The following FAM167A variants were observed in gnomAD, a reference collection of about 807,000 sequenced individuals.
FAM167A encodes protein FAM167A.
A neutral mutation model predicts 14.9 loss-of-function variants in FAM167A; 23 were observed. The ratio of observed to expected loss-of-function variants is 1.55; its 90% CI spans 1.11 to 2.19. The LOEUF (loss-of-function observed/expected upper bound fraction) is 2.19, where lower values mean the gene tolerates loss of function less well. FAM167A is among the 30% of genes most tolerant of loss of function. The probability of loss-of-function intolerance (pLI) is 0.00; values close to 1 mark genes in which losing one functional copy is unlikely to be tolerated. For missense variants in FAM167A, 401 were observed against 281.5 expected (o/e 1.42, Z -3.04); for synonymous variants, 174 against 117.7 (o/e 1.48, Z -3.10).
At chr8:11,425,325 A>T (rs2116978615) in intron 2 of FAM167A, among the ~76,000 whole-genome samples, 1 of 152,252 alleles carries the variant, frequency 6.6e-6, no homozygotes, top group East Asian at 1.9e-4. Flanking sequence ...AGGCACAGCC[A>T]GGGAATTAGC....
intron 1 of FAM167A, among the ~76,000 whole-genome samples, chr8:11,452,794 G>C (rs1026603204): frequency 8.5e-5 from 13 of 152,180 alleles, no homozygotes; most frequent in Non-Finnish European, 2.9e-5. Flanking sequence ...ATGAATGCTG[G>C]GGGAATGTGC....
intron 1 of FAM167A, among the ~76,000 whole-genome samples, chr8:11,461,248 A>C (rs1001549587): frequency 1.3e-5 from 2 of 152,232 alleles, no homozygotes; most frequent in Non-Finnish European, 2.9e-5. Context: ...CCTGGCAGGC[A>C]GGAAGAGGTG....
rs760250604 is a variant in FAM167A, at chr8:11,425,253, G to A, written c.382-617C>T. 6.6e-5 allele frequency among the ~76,000 whole-genome samples: 10 copies of A among 152,126 alleles called. 1 individual carries two copies. The highest frequency in any genetic ancestry group is 8.8e-5 in the Non-Finnish European group (6 of 68,032). On this transcript the variant is annotated intron_variant, in intron 2 of 2. Transcript: ENST00000284486. ...GTCTATTAACATGCAACAGTTAACC[G>A]TCACTACAACCTGTGAAGTGATGTC...
At chr8:11,428,903 T>A (rs1805371381) in intron 2 of FAM167A, among the ~76,000 whole-genome samples, 1 of 152,342 alleles carries the variant, frequency 6.6e-6, no homozygotes, top group South Asian at 2.1e-4. Flanking sequence ...TGAAGAAATC[T>A]GAGCAAAATG....
intron 1 of FAM167A, among the ~76,000 whole-genome samples, chr8:11,463,010 G>A (rs112893634): frequency 4.8e-4 from 73 of 152,340 alleles, no homozygotes; most frequent in African/African-American, 1.5e-3. Context: ...GGTGTGGTCA[G>A]GGCAGCAGAG....
intron 1 of FAM167A, among the ~76,000 whole-genome samples, chr8:11,459,590 T>G (rs79322294): frequency 0.01 from 1,545 of 152,308 alleles, 21 homozygotes; most frequent in African/African-American, 0.035. Context: ...GCTGGGGTCT[T>G]AGTCCTTGGG....
chr8:11,427,031 C>A (rs569236713), intron 2 of FAM167A, among the ~76,000 whole-genome samples: 1 of 152,126 alleles, frequency 6.6e-6, no homozygotes, highest in African/African-American at 2.4e-5. Context: ...GGGCCCAACA[C>A]GGAAGTTCTT....
In FAM167A at chr8:11,434,433, G is replaced by A. The variant is rs77076226; in HGVS notation, c.381+9598C>T. Reference sequence around the variant, plus strand: ...GAGACAGCAAGATGAGTCCATCTGAGCCAGGCCTCCAGGGATCCTCCCTGC... The same window carrying A: ...GAGACAGCAAGATGAGTCCATCTGAACCAGGCCTCCAGGGATCCTCCCTGC... On this transcript the variant is annotated intron_variant, in intron 2 of 2. Transcript: ENST00000284486. Among the ~76,000 whole-genome samples, 403 of 152,274 alleles carry A rather than the reference G, an allele frequency of 2.6e-3. 2 individuals are homozygous for A. The highest frequency in any genetic ancestry group is 9.0e-3 in the African/African-American group (376 of 41,572).
intron 1 of FAM167A, among the ~76,000 whole-genome samples, chr8:11,463,425 C>CA (rs1807620115): frequency 6.6e-6 from 1 of 152,306 alleles, no homozygotes; most frequent in Non-Finnish European, 1.5e-5. Context: ...CCTGGGTGGC[C>CA]ACCACCCTAA....
upstream of FAM167A, among the ~76,000 whole-genome samples, chr8:11,470,523 C>T (rs1233987391): frequency 2.0e-5 from 3 of 152,166 alleles, no homozygotes; most frequent in African/African-American, 7.2e-5. Flanking sequence ...CTGGCCTTCC[C>T]CCGAGGGGAG....
intron 2 of FAM167A, among the ~76,000 whole-genome samples, chr8:11,437,022 C>A (rs151101908): frequency 2.4e-4 from 36 of 152,316 alleles, no homozygotes; most frequent in Non-Finnish European, 4.3e-4. Context: ...GCCCCAGCCT[C>A]CAGGCAAGTT....
At chr8:11,451,004 C>A (rs771325279) in intron 1 of FAM167A, among the ~76,000 whole-genome samples, 11 of 152,250 alleles carry the variant, frequency 7.2e-5, no homozygotes, top group Admixed American at 7.2e-4. Context: ...AGCTTGAGGG[C>A]CTCCTTGGAG....
At chr8:11,446,656 T>C (rs922661107) in intron 1 of FAM167A, 4 of 152,210 alleles carry the variant, frequency 2.6e-5, no homozygotes, top group African/African-American at 4.8e-5. Context: ...CAACCTCCTA[T>C]GTTCTAGCAG....
At position 11,421,664 on chromosome 8, in the gene FAM167A, C is replaced by T. The variant is rs1381271258; in HGVS notation, c.*2709G>A. ...CATCGTCAAGCCTGCCCAGGCCCTCCAGGCCTCTTTGATAGCTACTGAGCC... is the reference window on the plus strand; with the variant it reads ...CATCGTCAAGCCTGCCCAGGCCCTCTAGGCCTCTTTGATAGCTACTGAGCC... On this transcript the variant is annotated 3_prime_UTR_variant, in exon 3 of 3. Coordinates refer to ENST00000284486, the MANE Select transcript of FAM167A (RefSeq NM_053279.3). 4 of 398,796 alleles carry T rather than the reference C, an allele frequency of 1.0e-5. No individual in the cohort carries two copies. Among genetic ancestry groups the T allele is most frequent in the East Asian group, 7.1e-5 (2 of 28,086 alleles). The allele number at this position is 398,796 out of a possible 1,614,324, so 24.7% of individuals were successfully genotyped here. A position where few individuals can be genotyped will look rare whatever the true frequency, so the allele number is the denominator to read the frequency against.
rs537814752 is a variant in FAM167A, at chr8:11,431,774, C to T, written c.382-7138G>A. On this transcript the variant is annotated intron_variant, in intron 2 of 2. Transcript: ENST00000284486. ...GAGGGTGGTCTCAGTGATGTTGTCT[C>T]TAGCCTGAGTGACACTGGAAGCTGA... 7.1e-4 allele frequency among the ~76,000 whole-genome samples: 107 copies of T among 151,554 alleles called. 1 individual carries two copies. Among genetic ancestry groups the T allele is most frequent in the African/African-American group, 2.4e-3 (99 of 41,276 alleles).
chr8:11,442,719 A>G (rs1048740651), intron 2 of FAM167A, among the ~76,000 whole-genome samples: 2 of 151,858 alleles, frequency 1.3e-5, no homozygotes, highest in Non-Finnish European at 2.9e-5. Context: ...ACCAGGGGTG[A>G]TAGAGCACCC....
At position 11,424,053 on chromosome 8, in the gene FAM167A, G is replaced by A; in HGVS notation, c.*320C>T. On this transcript the variant is annotated 3_prime_UTR_variant, in exon 3 of 3. Transcript: ENST00000284486. ...GGGAATCCCAGTTCATAGCACCAGT[G>A]ATTCCAGGAAACAGGAACGTGACCG... is the stretch of plus-strand genomic sequence containing the variant. 1 of 288,638 alleles carries A rather than the reference G, an allele frequency of 3.5e-6. No individual in the cohort carries two copies. Among genetic ancestry groups the A allele is most frequent in the Non-Finnish European group, 6.6e-6 (1 of 152,048 alleles). 17.9% of individuals were successfully genotyped at this position (288,638 alleles called of 1,614,324 possible).
At chr8:11,435,227 C>A (rs578136505) in intron 2 of FAM167A, 8 of 425,650 alleles carry the variant, frequency 1.9e-5, no homozygotes, top group South Asian at 1.2e-4. Context: ...CTCCACCTGT[C>A]ACCCTTCAGG....
chr8:11,441,677 T>C (rs1447008214), intron 2 of FAM167A, among the ~76,000 whole-genome samples: 4 of 152,192 alleles, frequency 2.6e-5, no homozygotes, highest in African/African-American at 7.2e-5. Flanking sequence ...ACTCATCATG[T>C]CATCCTAAGC....
Sources: gnomAD v4.1 joint callset for allele counts (sites outside exome capture counted in the v4.1 genomes callset) on GRCh38, gnomAD v4.1.1 for gene constraint, MANE v1.5 for transcripts, NCBI Gene and HGNC (gene_info 2026-07-23, HGNC 2026-07-21) for gene names.